AHCTF1: variants seen among roughly 807,000 people sequenced by gnomAD.
AHCTF1 encodes the protein protein ELYS.
A neutral mutation model predicts 248.4 loss-of-function variants in AHCTF1; 24 were observed. The observed-to-expected ratio is 0.10, with a 90% CI of 0.07 to 0.14. The LOEUF is 0.14. Among genes scored for constraint, AHCTF1 ranks in the 10% least tolerant of loss-of-function variants. AHCTF1 has a pLI of 1.00. For missense variants in AHCTF1, 2,206 were observed against 2,636.2 expected (o/e 0.84, Z 3.57); for synonymous variants, 786 against 929.8 (o/e 0.85, Z 2.81).
chr1:246,861,860 A>T, intron 28 of AHCTF1, 99 bp downstream of exon 28: 1 of 953,038 alleles, frequency 1.0e-6, no homozygotes, highest in Non-Finnish European at 1.6e-6. Context: ...AAAAATCTAT[A>T]GTGGTATTTA....
At chr1:246,888,788 T>C (rs1220550298) in intron 17 of AHCTF1, among the ~76,000 whole-genome samples, 1 of 152,108 alleles carries the variant, frequency 6.6e-6, no homozygotes, top group Non-Finnish European at 1.5e-5. Flanking sequence ...TGTGCACCTG[T>C]AGTCCTAGCC....
At chr1:246,854,898 A>C (rs760277708) in intron 31 of AHCTF1, among the ~76,000 whole-genome samples, 2 of 152,240 alleles carry the variant, frequency 1.3e-5, no homozygotes, top group Non-Finnish European at 2.9e-5. Context: ...GGGCACAGAA[A>C]ACAAAAATTC....
Position 246,894,844 on chromosome 1 carries a change from C to T in AHCTF1, c.1715-96G>A, listed in dbSNP as rs913469963. The T allele has an allele frequency of 6.0e-6, 6 of 996,656 alleles. No individual in the cohort carries two copies. In the East Asian group the frequency reaches 7.9e-5, roughly 13 times the overall value. The allele number at this position is 996,656 out of a possible 1,614,324, so 61.7% of individuals were successfully genotyped here. A position where few individuals can be genotyped will look rare whatever the true frequency, so the allele number is the denominator to read the frequency against. Reference sequence around the variant, plus strand: ...AGAAGCATGGCAGACAGCACCCTAACCGAGTGAACATCAACACTTCAGGGA... The same window carrying T: ...AGAAGCATGGCAGACAGCACCCTAATCGAGTGAACATCAACACTTCAGGGA... On this transcript the variant is annotated intron_variant, in intron 13 of 35. Transcript: ENST00000648844.
At position 246,891,007 on chromosome 1, in the gene AHCTF1, C is replaced by T. The variant is rs1357741661; in HGVS notation, c.1999G>A (p.Ala667Thr). Residue 667 changes from alanine (A) to threonine (T), a missense_variant, in exon 16 of 36, where the codon GCA becomes ACA. Physicochemically the swap from Ala to Thr is moderately conservative, Grantham distance 58 (BLOSUM62 0). Around this residue, in one of 6 missense-constraint regions of AHCTF1, gnomAD observed 650 missense variants for 870.8 expected, o/e 0.75. Transcript: ENST00000648844. Reference protein sequence around the residue: ...FVVSHLICQYAQVVLWFSHSG... With the variant: ...FVVSHLICQYTQVVLWFSHSG... ...TGAGAGAACCAAAGAACCACTTGTG[C>T]ATACTGACAGATGAGGTGGGAAACC... 1 of 1,560,188 alleles carries T rather than the reference C, an allele frequency of 6.4e-7. No individual in the cohort carries two copies. The highest frequency in any genetic ancestry group is 8.6e-7 in the Non-Finnish European group (1 of 1,159,252).
rs111561029 is a variant in AHCTF1 at position 246,876,175 on chromosome 1, G to T, written c.2950C>A (p.Pro984Thr). ...GCCAGTGATCTCTCCCGCAAACGAG[G>T]ATCACGATCATTCTATTAAACATCA... The part of the protein sequence containing the change: ...LKINVMNDRD[P>T]RLRERSLARN... Residue 984 changes from proline to threonine, a missense_variant, in exon 24 of 36, where the codon CCT becomes ACT. By Grantham distance (38) the Pro-to-Thr change is conservative. Around this residue, in one of 6 missense-constraint regions of AHCTF1, gnomAD observed 955 missense variants for 1,055.6 expected, o/e 0.90. Transcript: ENST00000648844. 8.8e-6 allele frequency: 14 copies of T among 1,592,552 alleles called. No individual in the cohort carries two copies. The Admixed American group carries it at 1.0e-4, about 12-fold the overall frequency.
Position 246,885,549 on chromosome 1 carries a change from T to A in AHCTF1, c.2604A>T (p.Pro868=). The change falls in exon 21 of 36, where the codon CCA becomes CCT. Residue 868 remains proline (P), a synonymous_variant. Coordinates refer to ENST00000648844, the MANE Select transcript of AHCTF1 (RefSeq NM_001323342.2). ...TAACATCGTTACCACTGGACACTGT[T>A]GGCTTCATTGTCTGAATATATCTGA... ...QALRYIQTMK[P]TVSSGNDVIL... 6.2e-7 allele frequency: 1 copy of A among 1,611,582 alleles called. No homozygotes were observed. Among genetic ancestry groups the A allele is most frequent in the African/African-American group, 1.3e-5 (1 of 74,936 alleles).
At chr1:246,857,410 G>A (rs780987965) in intron 30 of AHCTF1, among the ~76,000 whole-genome samples, 13 of 152,214 alleles carry the variant, frequency 8.5e-5, no homozygotes, top group Non-Finnish European at 1.8e-4. Flanking sequence ...AGGGCATGGA[G>A]GTATGCACAG....
chr1:246,843,960 C>G, intron 33 of AHCTF1, 32 bp from the exon 34 acceptor site: 2 of 1,347,116 alleles, frequency 1.5e-6, no homozygotes, highest in African/African-American at 1.5e-5. Flanking sequence ...GTATCTGTAT[C>G]TTTATATATG....
chr1:246,927,007 T>C (rs1023167450), intron 1 of AHCTF1, among the ~76,000 whole-genome samples: 1 of 151,334 alleles, frequency 6.6e-6, no homozygotes, highest in Non-Finnish European at 1.5e-5. Context: ...ATCCCGTCTC[T>C]ACTAAAAATA....
Position 246,905,402 on chromosome 1 carries a change from C to T in AHCTF1, c.881+139G>A, listed in dbSNP as rs539863948. The T allele has an allele frequency of 5.0e-5, 31 of 616,070 alleles. No individual in the cohort carries two copies. The Admixed American group carries it at 7.0e-4, about 14-fold the overall frequency. 38.2% of individuals were successfully genotyped at this position (616,070 alleles called of 1,614,324 possible). On this transcript the variant is annotated intron_variant, in intron 6 of 35. Coordinates refer to ENST00000648844, the MANE Select transcript of AHCTF1 (RefSeq NM_001323342.2). ...AGTCCCAGCTACTCGGGAGGCTGAG[C>T]GAGAGAATGGCATGAATCCGGGAGG...
Position 246,867,830 on chromosome 1 carries a change from T to A in AHCTF1, c.3089-19A>T, listed in dbSNP as rs745585236. 1.1e-5 allele frequency: 18 copies of A among 1,578,232 alleles called. No individual in the cohort carries two copies. The highest frequency in any genetic ancestry group is 1.5e-5 in the Non-Finnish European group (18 of 1,162,780). On this transcript the variant is annotated intron_variant, in intron 24 of 35. Transcript: ENST00000648844. The stretch of plus-strand genomic sequence containing the variant: ...CTAGAAACTGTAAAATGAAGAACGC[T>A]GGAATTAAGTGCATCTCTAACAAAC...
intron 33 of AHCTF1, among the ~76,000 whole-genome samples, chr1:246,849,157 G>A (rs1167891991): frequency 1.3e-5 from 2 of 152,170 alleles, no homozygotes; most frequent in African/African-American, 2.4e-5. Context: ...ATGTAGATGC[G>A]CCAGTTTGTG....
intron 2 of AHCTF1, among the ~76,000 whole-genome samples, chr1:246,917,998 A>G (rs1184998028): frequency 6.6e-6 from 1 of 152,130 alleles, no homozygotes; most frequent in Non-Finnish European, 1.5e-5. Context: ...CCAAACATAG[A>G]TAATACTAAG....
intron 1 of AHCTF1, among the ~76,000 whole-genome samples, chr1:246,929,871 G>A (rs1667209580): frequency 2.0e-5 from 3 of 152,182 alleles, no homozygotes; most frequent in South Asian, 4.1e-4. Context: ...GGCCAATATG[G>A]TGAAACCCCG....
chr1:246,849,705 A>C lies in AHCTF1; in HGVS notation c.6301T>G (p.Ser2101Ala). The C allele has an allele frequency of 6.2e-7, 1 of 1,613,980 alleles. No individual in the cohort carries two copies. Among genetic ancestry groups the C allele is most frequent in the Non-Finnish European group, 8.5e-7 (1 of 1,179,858 alleles). Residue 2101 changes from serine to alanine, a missense_variant, in exon 33 of 36, where the codon TCT (serine) becomes GCT (alanine). Physicochemically the swap from Ser to Ala is moderately conservative, Grantham distance 99 (BLOSUM62 1). Coordinates refer to ENST00000648844, the MANE Select transcript of AHCTF1 (RefSeq NM_001323342.2). ...TCCGGCAACAAGATGGCCTTGCTAG[A>C]CCGAGTCCTGCTGCTGCGGGATGAT... ...TKSSRSSRTR[S>A]SKAILLPDLS...
Position 246,851,379 on chromosome 1 carries a change from T to A in AHCTF1, c.4627A>T (p.Asn1543Tyr). The change falls in exon 33 of 36, where the codon AAT becomes TAT. Residue 1543 changes from asparagine to tyrosine, a missense_variant. By Grantham distance (143) the Asn-to-Tyr change is moderately radical. Coordinates refer to ENST00000648844, the MANE Select transcript of AHCTF1 (RefSeq NM_001323342.2). ...SGEEARNLSF[N>Y]ELYPSGTLKL... ...AGTGTTCCAGAGGGATATAACTCAT[T>A]AAATGAAAGATTCCTAGCCTCTTCT... 6.2e-7 allele frequency: 1 copy of A among 1,613,832 alleles called. No individual in the cohort carries two copies. Among genetic ancestry groups the A allele is most frequent in the Non-Finnish European group, 8.5e-7 (1 of 1,179,808 alleles).
chr1:246,911,694 G>T (rs1407339264), intron 4 of AHCTF1, among the ~76,000 whole-genome samples: 1 of 152,038 alleles, frequency 6.6e-6, no homozygotes, highest in African/African-American at 2.4e-5. Context: ...ATGTTGGTCA[G>T]GCTGGTCTCA....
intron 6 of AHCTF1, 42 bp downstream of exon 6, chr1:246,905,497 CAA>C (rs746153217): frequency 6.5e-7 from 1 of 1,529,044 alleles, no homozygotes; most frequent in African/African-American, 1.4e-5. Context: ...ACTCTGTCTC[CAA>C]AAAAACAAAA....
chr1:246,868,943 C>T (rs533169441), intron 24 of AHCTF1, among the ~76,000 whole-genome samples: 5 of 149,566 alleles, frequency 3.3e-5, no homozygotes, highest in South Asian at 2.1e-4. Context: ...CTCCCGGGTT[C>T]ACGCCATTCT....
Sources: gnomAD v4.1 joint callset for allele counts (sites outside exome capture counted in the v4.1 genomes callset) on GRCh38, gnomAD v4.1.1 for gene constraint, gnomAD v4.1.1 regional missense constraint, MANE v1.5 for transcripts, NCBI Gene and HGNC (gene_info 2026-07-23, HGNC 2026-07-21) for gene names.